TSHR: variants seen among roughly 807,000 people sequenced by gnomAD.
TSHR encodes the protein thyroid stimulating hormone receptor.
A neutral mutation model predicts 64.1 loss-of-function variants in TSHR; 51 were observed. The ratio of observed to expected loss-of-function variants is 0.80; its 90% CI spans 0.64 to 1.01. TSHR has a LOEUF of 1.01. TSHR is among the 50% of genes least tolerant of loss of function. TSHR has a pLI of 0.00. For synonymous variants in TSHR, 361 were observed against 361.9 expected (o/e 1.00, Z 0.03); for missense variants, 877 against 942.8 (o/e 0.93, Z 0.91).
At chr14:81,022,471 C>T (rs1267889322) in intron 1 of TSHR, among the ~76,000 whole-genome samples, 1 of 152,052 alleles carries the variant, frequency 6.6e-6, no homozygotes. Context: ...TGTTTGTGTC[C>T]TCCTCTCCCC....
intron 3 of TSHR, among the ~76,000 whole-genome samples, chr14:81,077,504 A>G (rs1887591107): frequency 6.6e-6 from 1 of 152,202 alleles, no homozygotes; most frequent in African/African-American, 2.4e-5. Context: ...TACTCATTTA[A>G]TCCTCACGAC....
chr14:80,959,056 C>T (rs1020058652), intron 1 of TSHR, among the ~76,000 whole-genome samples: 5 of 152,200 alleles, frequency 3.3e-5, no homozygotes, highest in African/African-American at 1.2e-4. Flanking sequence ...AAACAGCTCT[C>T]TTGCCCTACT....
At chr14:80,995,864 C>T (rs1334809098) in intron 1 of TSHR, among the ~76,000 whole-genome samples, 3 of 150,830 alleles carry the variant, frequency 2.0e-5, no homozygotes, top group Non-Finnish European at 3.0e-5. Flanking sequence ...TAAAGGGTAG[C>T]AAACACACCT....
In TSHR at chr14:81,144,335, T is replaced by C. The variant is rs1234538334; in HGVS notation, c.2277T>C (p.Tyr759=). ...AGCAAGGCCAAATCTCAGAAGAGTA[T>C]ATGCAAACGGTTTTGTAAGTTAACA... The part of the protein sequence containing the change: ...PKKQGQISEE[Y]MQTVL The change falls in exon 10 of 10, where the codon TAT becomes TAC. Residue 759 remains tyrosine, a synonymous_variant. Transcript: ENST00000298171. The C allele has an allele frequency of 3.1e-6, 5 of 1,614,162 alleles. No individual in the cohort carries two copies. The Admixed American group carries it at 6.7e-5, about 22-fold the overall frequency.
At chr14:81,005,643 C>A (rs1228086815) in intron 1 of TSHR, among the ~76,000 whole-genome samples, 1 of 152,106 alleles carries the variant, frequency 6.6e-6, no homozygotes, top group Non-Finnish European at 1.5e-5. Flanking sequence ...TCAAGACAAG[C>A]ATTTGCAGTT....
chr14:81,019,580 G>A (rs1453330846), intron 1 of TSHR, among the ~76,000 whole-genome samples: 1 of 150,732 alleles, frequency 6.6e-6, no homozygotes, highest in Non-Finnish European at 1.5e-5. Flanking sequence ...ATCTACATTA[G>A]GTATTTCTCC....
At chr14:81,124,104 A>C (rs912620161) in intron 8 of TSHR, among the ~76,000 whole-genome samples, 1 of 152,184 alleles carries the variant, frequency 6.6e-6, no homozygotes, top group African/African-American at 2.4e-5. Flanking sequence ...AATATCCTTG[A>C]GTTTTCATTA....
At chr14:81,007,014 T>A (rs1285566170) in intron 1 of TSHR, among the ~76,000 whole-genome samples, 1 of 152,196 alleles carries the variant, frequency 6.6e-6, no homozygotes, top group Non-Finnish European at 1.5e-5. Flanking sequence ...CCTAACAAAC[T>A]TTTTCAGTCC....
At chr14:81,045,618 C>G (rs1487392782) in intron 1 of TSHR, among the ~76,000 whole-genome samples, 1 of 152,100 alleles carries the variant, frequency 6.6e-6, no homozygotes, top group Non-Finnish European at 1.5e-5. Flanking sequence ...CATTCAGCTC[C>G]CACTTGGTTT....
chr14:80,976,360 T>C (rs1887875542), intron 1 of TSHR, among the ~76,000 whole-genome samples: 1 of 152,216 alleles, frequency 6.6e-6, no homozygotes, highest in South Asian at 2.1e-4. Flanking sequence ...TAGGGAGTAG[T>C]CTGACCCCTG....
In TSHR at chr14:80,955,698, G is replaced by C; in HGVS notation, c.18G>C (p.Leu6Phe). Residue 6 changes from leucine to phenylalanine, a missense_variant, in exon 1 of 10, where the codon TTG becomes TTC. Transcript: ENST00000298171. Reference sequence around the variant, plus strand: ...CGTGGAAAATGAGGCCGGCGGACTTGCTGCAGCTGGTGCTGCTGCTCGACC... The same window carrying C: ...CGTGGAAAATGAGGCCGGCGGACTTCCTGCAGCTGGTGCTGCTGCTCGACC... MRPAD[L>F]LQLVLLLDLP... 1 of 1,614,108 alleles carries C rather than the reference G, an allele frequency of 6.2e-7. No individual in the cohort carries two copies. The highest frequency in any genetic ancestry group is 1.3e-5 in the African/African-American group (1 of 75,068).
chr14:81,028,880 C>A (rs1181077535), intron 1 of TSHR, among the ~76,000 whole-genome samples: 1 of 151,724 alleles, frequency 6.6e-6, no homozygotes, highest in Admixed American at 6.6e-5. Flanking sequence ...AAAATGGATT[C>A]TTTGAAAAGA....
intron 1 of TSHR, among the ~76,000 whole-genome samples, chr14:80,977,448 C>T (rs1156349351): frequency 6.6e-6 from 1 of 152,212 alleles, no homozygotes; most frequent in Non-Finnish European, 1.5e-5. Context: ...TCACAAGGGG[C>T]AGTTTAGAAT....
intron 8 of TSHR, among the ~76,000 whole-genome samples, chr14:81,131,136 C>G (rs150032321): frequency 0.016 from 2,393 of 152,222 alleles, 24 homozygotes; most frequent in Non-Finnish European, 0.027. Context: ...CCTTCCCCAT[C>G]TCAGGAAATG....
rs113951800 is a variant in TSHR at position 81,143,435 on chromosome 14, G to T, written c.1377G>T (p.Ala459=). The change falls in exon 10 of 10, where the codon GCG becomes GCT. Residue 459 remains alanine (A), a synonymous_variant. Transcript: ENST00000298171. ...PRFLMCNLAF[A]DFCMGMYLLL... is the part of the protein sequence containing the mutation. ...TTCTCATGTGCAACCTGGCCTTTGC[G>T]GATTTCTGCATGGGGATGTACCTGC... The T allele has an allele frequency of 8.1e-6, 13 of 1,614,098 alleles. No individual in the cohort carries two copies. In the East Asian group the frequency reaches 2.2e-4, roughly 28 times the overall value.
At chr14:81,005,161 G>A (rs868183975) in intron 1 of TSHR, among the ~76,000 whole-genome samples, 1 of 151,812 alleles carries the variant, frequency 6.6e-6, no homozygotes, top group African/African-American at 2.4e-5. Context: ...CACTGGTCCT[G>A]TTTCTCCTGC....
At chr14:81,069,113 A>G (rs952526438) in intron 3 of TSHR, among the ~76,000 whole-genome samples, 1 of 152,198 alleles carries the variant, frequency 6.6e-6, no homozygotes, top group Non-Finnish European at 1.5e-5. Flanking sequence ...ATATCCTAAC[A>G]TTACATTAAA....
intron 8 of TSHR, among the ~76,000 whole-genome samples, chr14:81,137,899 C>T (rs528591888): frequency 1.3e-5 from 2 of 152,242 alleles, no homozygotes; most frequent in African/African-American, 2.4e-5. Flanking sequence ...GTTTCACTGA[C>T]GTGAAAGCAT....
At chr14:81,087,674 T>A in intron 3 of TSHR, 2 of 420,316 alleles carry the variant, frequency 4.8e-6, no homozygotes, top group Non-Finnish European at 8.7e-6. Flanking sequence ...AGAAAAAAAA[T>A]TCTGATACTA....
Sources: allele counts gnomAD v4.1 joint callset (sites outside exome capture counted in the v4.1 genomes callset), GRCh38; gene constraint gnomAD v4.1.1; transcripts MANE v1.5; gene names NCBI Gene and HGNC (gene_info 2026-07-23, HGNC 2026-07-21).